RNF175: variants seen among roughly 807,000 people sequenced by gnomAD.
RNF175 encodes ring finger protein 175.
Under a neutral mutation model 50.0 loss-of-function variants are expected in RNF175, and 38 were observed. The observed-to-expected ratio is 0.76, with a 90% CI of 0.59 to 1.00. The LOEUF (loss-of-function observed/expected upper bound fraction) is 1.00. Ranked by LOEUF, RNF175 falls within the 50% of genes least tolerant of loss-of-function variation. The pLI is 0.00. For synonymous variants in RNF175, 155 were observed against 146.1 expected (o/e 1.06, Z -0.44); for missense variants, 388 against 409.6 (o/e 0.95, Z 0.46).
chr4:153,754,957 G>A (rs6535949), intron 1 of RNF175, among the ~76,000 whole-genome samples: 97,204 of 152,108 alleles, frequency 0.64, 32,497 homozygotes, highest in African/African-American at 0.83. Context: ...TTGTTATGGA[G>A]GACCTAGGAA....
intron 1 of RNF175, among the ~76,000 whole-genome samples, chr4:153,753,414 C>A (rs974065305): frequency 2.0e-5 from 3 of 152,176 alleles, no homozygotes; most frequent in Non-Finnish European, 4.4e-5. Flanking sequence ...TCATCTGAGT[C>A]TAGAGAGCCC....
chr4:153,738,063 T>C (rs976564397), intron 3 of RNF175, among the ~76,000 whole-genome samples: 9 of 152,178 alleles, frequency 5.9e-5, no homozygotes, highest in African/African-American at 1.9e-4. Flanking sequence ...TTTCTTTCTT[T>C]TTTTGAGGCA....
chr4:153,760,024 T>C lies in RNF175; in HGVS notation c.-162A>G. On this transcript the variant is annotated 5_prime_UTR_variant, in exon 1 of 9. Transcript: ENST00000347063. ...TGCCCGGGTTGTGCGGGGCGGGAGA[T>C]GGGAGCCTCCCGGCACGCCCCGCCT... The C allele has an allele frequency of 2.4e-6, 1 of 411,432 alleles. No individual in the cohort carries two copies. The highest frequency in any genetic ancestry group is 4.2e-6 in the Non-Finnish European group (1 of 237,112). 25.5% of individuals were successfully genotyped at this position (411,432 alleles called of 1,614,324 possible).
intron 3 of RNF175, among the ~76,000 whole-genome samples, chr4:153,743,133 G>A (rs1205358437): frequency 6.6e-6 from 1 of 152,048 alleles, no homozygotes; most frequent in East Asian, 1.9e-4. Context: ...TTTTGATATT[G>A]TTCACCCAAG....
chr4:153,717,961 A>G (rs1393520976), intron 6 of RNF175, among the ~76,000 whole-genome samples: 3 of 152,140 alleles, frequency 2.0e-5, no homozygotes, highest in South Asian at 2.1e-4. Flanking sequence ...CCGTTATCGT[A>G]TCACACAGAA....
At chr4:153,751,560 C>G (rs1740291674) in intron 1 of RNF175, 85 bp from the exon 2 acceptor site, 1 of 908,186 alleles carries the variant, frequency 1.1e-6, no homozygotes, top group African/African-American at 1.7e-5. Flanking sequence ...GAAACCCAGA[C>G]CATGAAAAAT....
At chr4:153,737,550 T>C (rs2606341) in intron 3 of RNF175, among the ~76,000 whole-genome samples, 26,867 of 152,194 alleles carry the variant, frequency 0.18, 3,089 homozygotes, top group Non-Finnish European at 0.25. Flanking sequence ...CTCTGGAGTT[T>C]CTTCTTTGAC....
At chr4:153,753,116 C>T (rs141474935) in intron 1 of RNF175, among the ~76,000 whole-genome samples, 345 of 152,224 alleles carry the variant, frequency 2.3e-3, no homozygotes, top group African/African-American at 7.8e-3. Context: ...GATGGGCCAG[C>T]GGAAAGGGAC....
rs757545812 is a variant in RNF175 at position 153,759,747 on chromosome 4, C to A, written c.66+50G>T. On this transcript the variant is annotated intron_variant, in intron 1 of 8. Coordinates refer to ENST00000347063, the MANE Select transcript of RNF175 (RefSeq NM_173662.4). ...CAGCCTGCCCGGCACCAGCGTGAGCCCCGGGACCCCGGCCTGGCGTCCCCC... is the reference window on the plus strand; with the variant it reads ...CAGCCTGCCCGGCACCAGCGTGAGCACCGGGACCCCGGCCTGGCGTCCCCC... 40 of 1,272,368 alleles carry A rather than the reference C, an allele frequency of 3.1e-5. No individual in the cohort carries two copies. In the South Asian group the frequency reaches 4.4e-4, roughly 14 times the overall value. The allele number at this position is 1,272,368 out of a possible 1,614,324, so 78.8% of individuals were successfully genotyped here.
intron 1 of RNF175, among the ~76,000 whole-genome samples, chr4:153,753,755 C>T (rs1182857661): frequency 6.6e-6 from 1 of 151,570 alleles, no homozygotes; most frequent in Non-Finnish European, 1.5e-5. Context: ...GACGGGGTTT[C>T]GCCATGTTGG....
At chr4:153,750,611 T>G (rs1418453181) in intron 2 of RNF175, among the ~76,000 whole-genome samples, 1 of 152,172 alleles carries the variant, frequency 6.6e-6, no homozygotes, top group Non-Finnish European at 1.5e-5. Context: ...AGTCTCTCTA[T>G]TGGAAGCTGA....
intron 1 of RNF175, among the ~76,000 whole-genome samples, chr4:153,757,174 C>A (rs2127171475): frequency 6.6e-6 from 1 of 152,278 alleles, no homozygotes; most frequent in South Asian, 2.1e-4. Context: ...CCCACTTACT[C>A]CAGGACACCC....
In RNF175 at chr4:153,759,958, G is replaced by C; in HGVS notation, c.-96C>G. 1.4e-6 allele frequency: 1 copy of C among 703,516 alleles called. No homozygotes were observed. Among genetic ancestry groups the C allele is most frequent in the Non-Finnish European group, 2.0e-6 (1 of 492,674 alleles). 43.6% of individuals were successfully genotyped at this position (703,516 alleles called of 1,614,324 possible). On this transcript the variant is annotated 5_prime_UTR_variant, in exon 1 of 9. Transcript: ENST00000347063. Reference sequence around the variant, plus strand: ...GGCGCCGCGGGGCCTCGGGAGCCGAGGGTGAGAGCCGGATCTGCGGCGGCG... The same window carrying C: ...GGCGCCGCGGGGCCTCGGGAGCCGACGGTGAGAGCCGGATCTGCGGCGGCG...
intron 4 of RNF175, among the ~76,000 whole-genome samples, chr4:153,725,150 T>C (rs1032412600): frequency 6.6e-6 from 1 of 151,490 alleles, no homozygotes; most frequent in Non-Finnish European, 1.5e-5. Flanking sequence ...AGGGGTGAGT[T>C]AAGTGGAGAC....
At chr4:153,718,158 G>A (rs902563091) in intron 6 of RNF175, among the ~76,000 whole-genome samples, 3 of 149,468 alleles carry the variant, frequency 2.0e-5, no homozygotes, top group African/African-American at 4.9e-5. Flanking sequence ...ATGCATTTAA[G>A]ATTCACCCCA....
At chr4:153,750,423 T>C (rs1326272894) in intron 2 of RNF175, among the ~76,000 whole-genome samples, 2 of 152,148 alleles carry the variant, frequency 1.3e-5, no homozygotes, top group African/African-American at 2.4e-5. Flanking sequence ...CTGGAAAAGG[T>C]GTAGAAATCA....
chr4:153,735,901 A>AT (rs1160135817), intron 3 of RNF175, among the ~76,000 whole-genome samples: 2 of 152,060 alleles, frequency 1.3e-5, no homozygotes, highest in East Asian at 3.8e-4. Context: ...ATTCTTTGAG[A>AT]TTTTCCATAT....
chr4:153,732,025 A>T (rs1739067133), intron 3 of RNF175, among the ~76,000 whole-genome samples: 1 of 152,200 alleles, frequency 6.6e-6, no homozygotes, highest in African/African-American at 2.4e-5. Context: ...TGAGGCCAGA[A>T]GTTTGAGACC....
intron 7 of RNF175, chr4:153,713,640 T>C (rs142694732): frequency 6.6e-6 from 1 of 152,328 alleles, no homozygotes; most frequent in Non-Finnish European, 1.5e-5. Flanking sequence ...ATGGAGGAGC[T>C]TGGAGGTGTA....
Sources: gnomAD v4.1 joint callset for allele counts (sites outside exome capture counted in the v4.1 genomes callset) on GRCh38, gnomAD v4.1.1 for gene constraint, MANE v1.5 for transcripts, NCBI Gene and HGNC (gene_info 2026-07-23, HGNC 2026-07-21) for gene names.